AGMO: variants seen among roughly 807,000 people sequenced by gnomAD.
AGMO encodes the protein alkylglycerol monooxygenase, also known as glyceryl-ether monooxygenase.
AGMO carries 75 observed loss-of-function variants against 60.2 expected under a neutral mutation model. The ratio of observed to expected loss-of-function variants is 1.25; its 90% CI spans 1.03 to 1.51. The LOEUF (loss-of-function observed/expected upper bound fraction) is 1.51. Ranked by LOEUF, AGMO falls within the 40% of genes most tolerant of loss-of-function variation. The pLI, the probability that AGMO is intolerant of heterozygous loss-of-function variation, is 0.00. For synonymous variants in AGMO, 261 were observed against 177.1 expected (o/e 1.47, Z -3.76); for missense variants, 763 against 525.5 (o/e 1.45, Z -4.42).
chr7:15,268,033 G>T (rs1343869739), intron 12 of AGMO, among the ~76,000 whole-genome samples: 1 of 151,832 alleles, frequency 6.6e-6, no homozygotes, highest in Non-Finnish European at 1.5e-5. Flanking sequence ...CCAAACATAG[G>T]TTGCATGATA....
chr7:15,371,188 T>A (rs1783197166), intron 10 of AGMO, among the ~76,000 whole-genome samples: 1 of 152,126 alleles, frequency 6.6e-6, no homozygotes, highest in South Asian at 2.1e-4. Context: ...ATACAATTAA[T>A]CAATAATTTA....
At chr7:15,160,336 A>G in the AGMO span, among the ~76,000 whole-genome samples, 3 of 152,162 alleles carry the variant, frequency 2.0e-5, no homozygotes, top group African/African-American at 7.2e-5. Flanking sequence ...TGTTCATCTA[A>G]TTTTATAGTA....
At chr7:15,229,568 G>C (rs997619862) in intron 12 of AGMO, among the ~76,000 whole-genome samples, 3 of 148,966 alleles carry the variant, frequency 2.0e-5, no homozygotes, top group Admixed American at 2.0e-4. Context: ...AGTGAGTTCA[G>C]TACAGGGGAA....
At chr7:15,463,247 T>A (rs971892108) in intron 3 of AGMO, among the ~76,000 whole-genome samples, 1 of 152,124 alleles carries the variant, frequency 6.6e-6, no homozygotes, top group Non-Finnish European at 1.5e-5. Flanking sequence ...TTGTCATAAG[T>A]AGAGGTAATG....
chr7:15,516,374 T>C (rs1783806837), intron 3 of AGMO, among the ~76,000 whole-genome samples: 1 of 152,228 alleles, frequency 6.6e-6, no homozygotes, highest in Non-Finnish European at 1.5e-5. Context: ...TTCATCTACA[T>C]ATTACAAATG....
chr7:15,548,063 C>G (rs1393897875), intron 2 of AGMO, among the ~76,000 whole-genome samples: 2 of 151,922 alleles, frequency 1.3e-5, no homozygotes, highest in East Asian at 3.9e-4. Flanking sequence ...CACACTGACA[C>G]CTCACACGGC....
chr7:15,226,202 C>T (rs911454123), intron 12 of AGMO, among the ~76,000 whole-genome samples: 1 of 152,006 alleles, frequency 6.6e-6, no homozygotes, highest in Non-Finnish European at 1.5e-5. Flanking sequence ...CTCTATGTTA[C>T]CTTTTCATGG....
chr7:15,190,230 T>G, the AGMO span, among the ~76,000 whole-genome samples: 1 of 2,048 alleles, frequency 4.9e-4, no homozygotes, highest in African/African-American at 1.6e-3. Context: ...TATATATATA[T>G]TTATATATAT....
At chr7:15,241,969 A>T (rs1218981695) in intron 12 of AGMO, among the ~76,000 whole-genome samples, 1 of 152,140 alleles carries the variant, frequency 6.6e-6, no homozygotes, top group Non-Finnish European at 1.5e-5. Context: ...ATTCCTTGTC[A>T]CATATATTTC....
the AGMO span, among the ~76,000 whole-genome samples, chr7:15,184,428 AG>A: frequency 1.1e-4 from 15 of 134,590 alleles, no homozygotes; most frequent in African/African-American, 3.6e-4. Flanking sequence ...AAGGAAAAGA[AG>A]GAAGGAAGGG....
At chr7:15,245,955 C>T (rs1050018096) in intron 12 of AGMO, among the ~76,000 whole-genome samples, 1 of 152,072 alleles carries the variant, frequency 6.6e-6, no homozygotes, top group African/African-American at 2.4e-5. Context: ...TGTTCCTTTC[C>T]TTTATTGCAC....
At chr7:15,154,513 G>C in the AGMO span, among the ~76,000 whole-genome samples, 1 of 152,072 alleles carries the variant, frequency 6.6e-6, no homozygotes, top group African/African-American at 2.4e-5. Flanking sequence ...TCTGAGATAG[G>C]TCTCTTCAAG....
intron 3 of AGMO, among the ~76,000 whole-genome samples, chr7:15,521,753 CA>C (rs1194829494): frequency 1.3e-5 from 2 of 152,094 alleles, no homozygotes; most frequent in Admixed American, 1.3e-4. Context: ...ACTGAATGGG[CA>C]AAAGATGGAA....
At chr7:15,247,449 C>CAGAGAGAGAGAG (rs748208299) in intron 12 of AGMO, among the ~76,000 whole-genome samples, 34 of 116,448 alleles carry the variant, frequency 2.9e-4, no homozygotes, top group Non-Finnish European at 5.6e-4. Flanking sequence ...CACACACACA[C>CAGAGAGAGAGAG]ACACACACAC....
intron 12 of AGMO, among the ~76,000 whole-genome samples, chr7:15,237,226 C>A (rs967055122): frequency 1.3e-5 from 2 of 152,072 alleles, no homozygotes; most frequent in Non-Finnish European, 1.5e-5. Context: ...AGTAAGTGTG[C>A]GTGGAGAAAT....
At chr7:15,227,849 G>A (rs1782135702) in intron 12 of AGMO, among the ~76,000 whole-genome samples, 2 of 152,076 alleles carry the variant, frequency 1.3e-5, no homozygotes, top group South Asian at 4.1e-4. Flanking sequence ...CAAGGTGACA[G>A]ATTTGAACTG....
downstream of AGMO, among the ~76,000 whole-genome samples, chr7:15,198,515 A>T (rs1781194092): frequency 1.3e-5 from 2 of 152,188 alleles, no homozygotes; most frequent in Admixed American, 6.5e-5. Flanking sequence ...GACAGAGCCG[A>T]TTTATCAAGA....
At chr7:15,295,639 GA>G (rs1423853679) in intron 12 of AGMO, among the ~76,000 whole-genome samples, 1 of 151,996 alleles carries the variant, frequency 6.6e-6, no homozygotes, top group Admixed American at 6.6e-5. Flanking sequence ...TGAAAATAAT[GA>G]AAGTTAATGG....
rs146187870 is a variant in AGMO, at chr7:15,417,599, G to C, written c.609+959C>G. ...CAGATGGTTGTGGTATTGAGTGTTT[G>C]ATGTGTGTTAAGTATCATAAAACAC... On this transcript the variant is annotated intron_variant, in intron 5 of 12. Transcript: ENST00000342526. Among the ~76,000 whole-genome samples, 319 of 152,260 alleles carry C rather than the reference G, an allele frequency of 2.1e-3. 1 individual carries two copies. The highest frequency in any genetic ancestry group is 7.1e-3 in the African/African-American group (295 of 41,556).
Sources: allele counts gnomAD v4.1 joint callset (sites outside exome capture counted in the v4.1 genomes callset), GRCh38; gene constraint gnomAD v4.1.1; transcripts MANE v1.5; gene names NCBI Gene and HGNC (gene_info 2026-07-23, HGNC 2026-07-21).